The following AP3B2 variants were observed in gnomAD, a reference collection of about 807,000 sequenced individuals.
AP3B2 encodes the protein AP-3 complex subunit beta-2.
Under a neutral mutation model 126.9 loss-of-function variants are expected in AP3B2, and 50 were observed. The ratio of observed to expected loss-of-function variants is 0.39; its 90% CI spans 0.31 to 0.50. The LOEUF (loss-of-function observed/expected upper bound fraction) is 0.50. Among genes scored for constraint, AP3B2 ranks in the 20% least tolerant of loss-of-function variants. The probability of loss-of-function intolerance (pLI) is 0.79; values close to 1 mark genes in which losing one functional copy is unlikely to be tolerated. For synonymous variants in AP3B2, 541 were observed against 565.0 expected (o/e 0.96, Z 0.60); for missense variants, 1,177 against 1,426.4 (o/e 0.83, Z 2.82).
Position 82,680,675 on chromosome 15 carries a change from C to A in AP3B2, c.852G>T (p.Glu284Asp). 6.3e-7 allele frequency: 1 copy of A among 1,576,492 alleles called. No homozygotes were observed. Among genetic ancestry groups the A allele is most frequent in the Non-Finnish European group, 8.6e-7 (1 of 1,165,896 alleles). Reference sequence around the variant, plus strand: ...GGGAGGGGGCGGCCGCGGCGGCCGTCTCCTCAGACCCCGCGCCCTTGGCCT... The same window carrying A: ...GGGAGGGGGCGGCCGCGGCGGCCGTATCCTCAGACCCCGCGCCCTTGGCCT... ...EDEAKGAGSEETAAAAAPSRK... is the reference protein window; with the variant it reads ...EDEAKGAGSEDTAAAAAPSRK... Residue 284 changes from glutamate (E) to aspartate (D), a missense_variant, in exon 8 of 27, where the codon GAG (glutamate) becomes GAT (aspartate). Physicochemically the swap from Glu to Asp is conservative, Grantham distance 45. Around this residue, in one of 5 missense-constraint regions of AP3B2, gnomAD observed 103 missense variants for 101.4 expected, o/e 1.02. Transcript: ENST00000535359. The surrounding 1 kb of genome is among the most constrained non-coding windows in gnomAD (Gnocchi z 6.1).
At chr15:82,705,935 A>T (rs1359951722) in intron 1 of AP3B2, among the ~76,000 whole-genome samples, 1 of 152,200 alleles carries the variant, frequency 6.6e-6, no homozygotes, top group Non-Finnish European at 1.5e-5. Flanking sequence ...AAACAGCCGT[A>T]GAAGCTGCTC....
chr15:82,680,630 G>A lies in AP3B2; in HGVS notation c.897C>T (p.Asp299=). The A allele has an allele frequency of 6.3e-7, 1 of 1,596,394 alleles. No individual in the cohort carries two copies. Among genetic ancestry groups the A allele is most frequent in the Non-Finnish European group, 8.5e-7 (1 of 1,177,112 alleles). ...TGCGCAGCAGCAGCCGGTGGTCGGG[G>A]TCCATGACATAGGGCTTTCGGGAGG... The part of the protein sequence containing the change: ...AAPSRKPYVM[D]PDHRLLLRNT... Residue 299 remains aspartate, a synonymous_variant, in exon 8 of 27, where the codon GAC becomes GAT. Coordinates refer to ENST00000535359, the MANE Select transcript of AP3B2 (RefSeq NM_001278512.2). The surrounding 1 kb of genome is among the most constrained non-coding windows in gnomAD (Gnocchi z 6.1).
chr15:82,704,928 C>G (rs1446450268), intron 1 of AP3B2, among the ~76,000 whole-genome samples: 1 of 152,196 alleles, frequency 6.6e-6, no homozygotes, highest in Admixed American at 6.5e-5. Flanking sequence ...CCTCTCAAAA[C>G]TCCCCAACTC....
chr15:82,664,738 C>A lies in AP3B2; in HGVS notation c.2137+97G>T. 9.6e-7 allele frequency: 1 copy of A among 1,046,436 alleles called. No homozygotes were observed. The highest frequency in any genetic ancestry group is 1.5e-5 in the South Asian group (1 of 65,302). 64.8% of individuals were successfully genotyped at this position (1,046,436 alleles called of 1,614,324 possible). A position where few individuals can be genotyped will look rare whatever the true frequency, so the allele number is the denominator to read the frequency against. The stretch of plus-strand genomic sequence containing the variant: ...AAACAATTCACAAGCAGGTGCACAC[C>A]CCTAGACACACAACCATATACATAT... On this transcript the variant is annotated intron_variant, in intron 18 of 26. Coordinates refer to ENST00000535359, the MANE Select transcript of AP3B2 (RefSeq NM_001278512.2). The surrounding 1 kb of genome is among the most constrained non-coding windows in gnomAD (Gnocchi z 4.5).
In AP3B2 at chr15:82,664,375, G is replaced by T. The variant is rs1470565347; in HGVS notation, c.2253C>A (p.Gly751=). 4 of 1,613,780 alleles carry T rather than the reference G, an allele frequency of 2.5e-6. No individual in the cohort carries two copies. In the South Asian group the frequency reaches 4.4e-5, roughly 18 times the overall value. Reference sequence around the variant, plus strand: ...GCTAGCTCCCTTCTCACCTCTCACTGCCTCTCCCTTTCTCCTCATCCTCAT... The same window carrying T: ...GCTAGCTCCCTTCTCACCTCTCACTTCCTCTCCCTTTCTCCTCATCCTCAT... ...DQDEDEEKGR[G]SESEQSEEDG... is the part of the protein sequence containing the mutation. The change falls in exon 19 of 27, where the codon GGC becomes GGA. Residue 751 remains glycine, a synonymous_variant. Coordinates refer to ENST00000535359, the MANE Select transcript of AP3B2 (RefSeq NM_001278512.2). This position sits in a 1 kb window ranked among gnomAD's most constrained non-coding sequence, Gnocchi z 4.5.
intron 1 of AP3B2, among the ~76,000 whole-genome samples, chr15:82,706,588 G>A (rs1270076371): frequency 1.3e-5 from 2 of 152,026 alleles, no homozygotes; most frequent in African/African-American, 2.4e-5. Context: ...GTCCCTCATG[G>A]CCAGTTTTTC....
At chr15:82,679,356 T>A (rs1025875869) in intron 10 of AP3B2, among the ~76,000 whole-genome samples, 3 of 152,208 alleles carry the variant, frequency 2.0e-5, no homozygotes, top group Non-Finnish European at 2.9e-5. Flanking sequence ...ACTCCTGACC[T>A]CAGGCGATCT....
At chr15:82,703,597 A>G (rs2048753454) in intron 1 of AP3B2, among the ~76,000 whole-genome samples, 2 of 152,074 alleles carry the variant, frequency 1.3e-5, no homozygotes, top group South Asian at 4.2e-4. Flanking sequence ...AAACTCAACA[A>G]TGGTTCCAAA....
chr15:82,707,402 C>T (rs1322594111), intron 1 of AP3B2, among the ~76,000 whole-genome samples: 1 of 152,192 alleles, frequency 6.6e-6, no homozygotes, highest in Non-Finnish European at 1.5e-5. Flanking sequence ...AGGCCCCAGT[C>T]TCATTCCAGA....
At chr15:82,682,846 G>A in intron 4 of AP3B2, among the ~76,000 whole-genome samples, 1 of 151,888 alleles carries the variant, frequency 6.6e-6, no homozygotes, top group Non-Finnish European at 1.5e-5. Context: ...CAACACTTTG[G>A]GAGGCTGAGG....
intron 25 of AP3B2, among the ~76,000 whole-genome samples, chr15:82,660,233 T>G (rs1181490909): frequency 6.6e-6 from 1 of 152,174 alleles, no homozygotes; most frequent in East Asian, 1.9e-4. Flanking sequence ...AAAGACTGAT[T>G]TGGCGCTTCC....
intron 25 of AP3B2, among the ~76,000 whole-genome samples, chr15:82,661,137 C>T (rs1192698473): frequency 3.9e-5 from 6 of 152,142 alleles, no homozygotes; most frequent in Admixed American, 2.6e-4. Flanking sequence ...CAGGTTTTCC[C>T]CCAAGGTTCT....
At position 82,680,498 on chromosome 15, in the gene AP3B2, C is replaced by T. The variant is rs2151440769; in HGVS notation, c.1029G>A (p.Ala343=). The change falls in exon 8 of 27, where the codon GCG becomes GCA. Residue 343 remains alanine (A), a synonymous_variant. Coordinates refer to ENST00000535359, the MANE Select transcript of AP3B2 (RefSeq NM_001278512.2). This position sits in a 1 kb window ranked among gnomAD's most constrained non-coding sequence, Gnocchi z 6.1. ...TGTGGCTGCGCAGCAGGCGCACCAG[C>T]GCCTTGGCGATGACGCCCACTTCCG... is the stretch of plus-strand genomic sequence containing the variant. The part of the protein sequence containing the change: ...PKAEVGVIAK[A]LVRLLRSHSE... 1.3e-6 allele frequency: 2 copies of T among 1,522,916 alleles called. No homozygotes were observed. The highest frequency in any genetic ancestry group is 1.2e-5 in the South Asian group (1 of 83,072). 94.3% of individuals were successfully genotyped at this position (1,522,916 alleles called of 1,614,324 possible).
intron 1 of AP3B2, 27 bp downstream of exon 1, chr15:82,709,567 C>G: frequency 6.8e-7 from 1 of 1,471,894 alleles, no homozygotes; most frequent in Non-Finnish European, 9.0e-7. Flanking sequence ...CCAACCCTCC[C>G]GCGAGCTTCC....
At position 82,664,897 on chromosome 15, in the gene AP3B2, T is replaced by G. The variant is rs1290056195; in HGVS notation, c.2075A>C (p.Lys692Thr). The change falls in exon 18 of 27, where the codon AAG becomes ACG. Residue 692 changes from lysine (K) to threonine (T), a missense_variant. Physicochemically the swap from Lys to Thr is moderately conservative, Grantham distance 78 (BLOSUM62 -1). Coordinates refer to ENST00000535359, the MANE Select transcript of AP3B2 (RefSeq NM_001278512.2). The surrounding 1 kb of genome is among the most constrained non-coding windows in gnomAD (Gnocchi z 4.5). ...AGAGTCCGAGTAGAAGGGTTTTTCC[T>G]TCTCCTTTCTCTTCTCCCGATTTGA... ...KCSNREKRKE[K>T]EKPFYSDSEG... 4 of 1,608,502 alleles carry G rather than the reference T, an allele frequency of 2.5e-6. 1 individual carries two copies. The South Asian group carries it at 4.5e-5, about 18-fold the overall frequency.
chr15:82,683,556 T>C (rs1239026852), intron 4 of AP3B2, among the ~76,000 whole-genome samples: 2 of 152,342 alleles, frequency 1.3e-5, no homozygotes, highest in South Asian at 2.1e-4. Flanking sequence ...AAGTCATCCA[T>C]GGAGTTTAGA....
intron 25 of AP3B2, 33 bp downstream of exon 25, chr15:82,661,791 CT>C (rs976630561): frequency 6.4e-7 from 1 of 1,554,872 alleles, no homozygotes; most frequent in African/African-American, 1.4e-5. Context: ...AGCTTCTATA[CT>C]TCCCTCTCTG....
At chr15:82,701,586 G>C (rs948785751) in intron 1 of AP3B2, among the ~76,000 whole-genome samples, 1 of 152,110 alleles carries the variant, frequency 6.6e-6, no homozygotes, top group Non-Finnish European at 1.5e-5. Context: ...TCTGGCTTTA[G>C]ATGTCGACTT....
At chr15:82,684,172 C>T (rs2048389405) in intron 4 of AP3B2, among the ~76,000 whole-genome samples, 1 of 152,230 alleles carries the variant, frequency 6.6e-6, no homozygotes, top group East Asian at 1.9e-4. Flanking sequence ...ATTGACTTCT[C>T]TCTAGGTAGG....
Sources: allele counts gnomAD v4.1 joint callset (sites outside exome capture counted in the v4.1 genomes callset), GRCh38; gene constraint gnomAD v4.1.1; regional missense constraint gnomAD v4.1.1; non-coding constraint Gnocchi (gnomAD v3.1); transcripts MANE v1.5; gene names NCBI Gene and HGNC (gene_info 2026-07-23, HGNC 2026-07-21).